ASH1L: variants seen among roughly 807,000 people sequenced by gnomAD.
ASH1L encodes the protein histone-lysine N-methyltransferase ASH1L.
Under a neutral mutation model 269.0 loss-of-function variants are expected in ASH1L, and 23 were observed. The observed-to-expected ratio is 0.09, with a 90% CI of 0.06 to 0.12. ASH1L has a LOEUF of 0.12. ASH1L is among the 10% of genes least tolerant of loss of function. ASH1L has a pLI of 1.00. For missense variants in ASH1L, 2,912 were observed against 3,567.8 expected (o/e 0.82, Z 4.68); for synonymous variants, 1,187 against 1,253.5 (o/e 0.95, Z 1.12).
intron 6 of ASH1L, among the ~76,000 whole-genome samples, chr1:155,405,390 G>A (rs1052646584): frequency 3.3e-5 from 5 of 151,998 alleles, no homozygotes; most frequent in East Asian, 1.9e-4. Flanking sequence ...GCTGAGGCAC[G>A]AGAATCACTT....
At chr1:155,560,624 T>G (rs57956370) in intron 1 of ASH1L, among the ~76,000 whole-genome samples, 2 of 152,144 alleles carry the variant, frequency 1.3e-5, no homozygotes, top group Non-Finnish European at 2.9e-5. Context: ...ACACCTTGAT[T>G]ATCCTCACGC....
intron 2 of ASH1L, among the ~76,000 whole-genome samples, chr1:155,482,858 T>C (rs1006835845): frequency 2.0e-5 from 3 of 152,294 alleles, no homozygotes; most frequent in East Asian, 3.8e-4. Flanking sequence ...TCTAAAATAA[T>C]AGTTTACTGC....
At chr1:155,514,253 A>G (rs764874642) in intron 2 of ASH1L, among the ~76,000 whole-genome samples, 4 of 152,262 alleles carry the variant, frequency 2.6e-5, no homozygotes, top group Admixed American at 6.5e-5. Flanking sequence ...ATGCCACAAA[A>G]TTATACACTT....
At chr1:155,411,586 A>AATAAATAAATATATAT (rs1297131961) in intron 6 of ASH1L, among the ~76,000 whole-genome samples, 189 of 55,062 alleles carry the variant, frequency 3.4e-3, no homozygotes, top group Admixed American at 6.1e-3. Flanking sequence ...TAAATAAATA[A>AATAAATAAATATATAT]ATATATATAT....
intron 12 of ASH1L, among the ~76,000 whole-genome samples, chr1:155,369,260 A>G (rs899568594): frequency 4.6e-5 from 7 of 152,068 alleles, no homozygotes; most frequent in Non-Finnish European, 7.4e-5. Flanking sequence ...TGGCTAACAC[A>G]GTGAAACCCC....
At position 155,395,520 on chromosome 1, in the gene ASH1L, CTCTT is replaced by C; in HGVS notation, c.6038_6041del (p.Lys2013ArgfsTer25). 1 of 1,611,120 alleles carries C rather than the reference CTCTT, an allele frequency of 6.2e-7. No individual in the cohort carries two copies. The highest frequency in any genetic ancestry group is 8.5e-7 in the Non-Finnish European group (1 of 1,179,126). ...GCTCTCCTGGAGTATACTCCAGCTT[CTCTT>C]TCTTTAATTGGATCAATCGACTCTT... On this transcript the variant is annotated frameshift_variant, in exon 7 of 28. Transcript: ENST00000392403. LOFTEE classifies it high-confidence loss of function.
At chr1:155,372,005 C>G (rs980696275) in intron 10 of ASH1L, among the ~76,000 whole-genome samples, 1 of 150,458 alleles carries the variant, frequency 6.6e-6, no homozygotes, top group Non-Finnish European at 1.5e-5. Flanking sequence ...CGCTAATTTA[C>G]TCTTATTTAT....
intron 5 of ASH1L, among the ~76,000 whole-genome samples, chr1:155,425,641 G>A: frequency 6.6e-6 from 1 of 151,872 alleles, no homozygotes; most frequent in East Asian, 1.9e-4. Context: ...TCACCATGTT[G>A]GTCAGGCTGG....
At chr1:155,513,009 G>A (rs1253476204) in intron 2 of ASH1L, among the ~76,000 whole-genome samples, 2 of 151,694 alleles carry the variant, frequency 1.3e-5, no homozygotes, top group African/African-American at 4.8e-5. Flanking sequence ...GCTACAGTGA[G>A]CCTAATCACA....
intron 13 of ASH1L, among the ~76,000 whole-genome samples, chr1:155,360,096 G>GC (rs761372811): frequency 2.6e-5 from 4 of 151,520 alleles, no homozygotes; most frequent in Non-Finnish European, 5.9e-5. Context: ...TGTCATGTTG[G>GC]CCAGGCTGGT....
At chr1:155,521,742 A>C in intron 1 of ASH1L, 124 bp from the exon 2 acceptor site, 1 of 453,872 alleles carries the variant, frequency 2.2e-6, no homozygotes, top group Non-Finnish European at 3.9e-6. Context: ...AGTTAGATCG[A>C]AATGTTAATT....
intron 2 of ASH1L, among the ~76,000 whole-genome samples, chr1:155,503,256 C>G (rs370611460): frequency 1.3e-5 from 2 of 152,198 alleles, no homozygotes; most frequent in African/African-American, 4.8e-5. Context: ...TATATATCCT[C>G]AGATGTTAGT....
chr1:155,469,281 C>T (rs1664916826), intron 3 of ASH1L, among the ~76,000 whole-genome samples: 1 of 152,032 alleles, frequency 6.6e-6, no homozygotes, highest in Non-Finnish European at 1.5e-5. Context: ...TTCCCAGGTT[C>T]AAGCAATTCT....
intron 2 of ASH1L, among the ~76,000 whole-genome samples, chr1:155,514,677 T>C (rs1668384358): frequency 1.3e-5 from 2 of 152,132 alleles, no homozygotes; most frequent in East Asian, 3.9e-4. Context: ...AACAACGCAT[T>C]TGGCCCAGGA....
chr1:155,370,459 C>G (rs779425692), intron 12 of ASH1L, 45 bp downstream of exon 12: 1 of 1,610,328 alleles, frequency 6.2e-7, no homozygotes, highest in Admixed American at 1.7e-5. Flanking sequence ...GCACTCAATG[C>G]TTATTCTGCT....
intron 4 of ASH1L, among the ~76,000 whole-genome samples, chr1:155,459,378 T>A (rs1380117025): frequency 6.6e-6 from 1 of 152,142 alleles, no homozygotes; most frequent in African/African-American, 2.4e-5. Context: ...GTATTTTTAG[T>A]ACAGATGGGG....
chr1:155,475,749 G>C (rs1468876699), intron 3 of ASH1L, among the ~76,000 whole-genome samples: 3 of 152,148 alleles, frequency 2.0e-5, no homozygotes, highest in Non-Finnish European at 4.4e-5. Context: ...TAATGAATGA[G>C]TCTGTTTATC....
intron 1 of ASH1L, among the ~76,000 whole-genome samples, chr1:155,539,682 A>C (rs1025040040): frequency 1.3e-5 from 2 of 151,866 alleles, no homozygotes; most frequent in Non-Finnish European, 2.9e-5. Context: ...TCCTGGGCTC[A>C]AACGATCTTC....
chr1:155,444,617 CTGTT>C (rs1314662920), intron 4 of ASH1L, among the ~76,000 whole-genome samples: 2 of 151,414 alleles, frequency 1.3e-5, no homozygotes, highest in Admixed American at 6.6e-5. Flanking sequence ...ATAATGTTTT[CTGTT>C]TGTTTGTTTT....
Sources: gnomAD v4.1 joint callset for allele counts (sites outside exome capture counted in the v4.1 genomes callset) on GRCh38, gnomAD v4.1.1 for gene constraint, MANE v1.5 for transcripts, NCBI Gene and HGNC (gene_info 2026-07-23, HGNC 2026-07-21) for gene names.